The following EHHADH variants were observed in gnomAD, a reference collection of about 807,000 sequenced individuals.
EHHADH encodes peroxisomal bifunctional enzyme.
In EHHADH, 48 loss-of-function variants were observed where a neutral mutation model predicts 64.4. The observed-to-expected ratio is 0.75, with a 90% confidence interval of 0.59 to 0.95. The LOEUF (loss-of-function observed/expected upper bound fraction) is 0.95, where lower values mean the gene tolerates loss of function less well. EHHADH is among the 40% of genes least tolerant of loss of function. The pLI is 0.00. For missense variants in EHHADH, 854 were observed against 876.6 expected (o/e 0.97, Z 0.33); for synonymous variants, 308 against 326.7 (o/e 0.94, Z 0.62).
At chr3:185,199,780 C>T (rs967249186) in intron 6 of EHHADH, among the ~76,000 whole-genome samples, 4 of 152,100 alleles carry the variant, frequency 2.6e-5, no homozygotes, top group African/African-American at 9.7e-5. Context: ...CAGTCTTGCT[C>T]TGTTGCCCAG....
intron 5 of EHHADH, among the ~76,000 whole-genome samples, chr3:185,212,622 A>T (rs59007546): frequency 0.068 from 10,347 of 152,152 alleles, 1,157 homozygotes; most frequent in African/African-American, 0.23. Context: ...TAGGCTGAAT[A>T]ATTGGAATAT....
chr3:185,249,516 G>A (rs1719688233), intron 1 of EHHADH, among the ~76,000 whole-genome samples: 1 of 152,204 alleles, frequency 6.6e-6, no homozygotes, highest in African/African-American at 2.4e-5. Flanking sequence ...ATTGGATCAT[G>A]CCAGTGGTTT....
intron 1 of EHHADH, among the ~76,000 whole-genome samples, chr3:185,253,617 G>T (rs1178828632): frequency 2.0e-5 from 3 of 151,442 alleles, no homozygotes; most frequent in African/African-American, 7.3e-5. Context: ...AGCCAAAGTT[G>T]CAAGTAAGCA....
At chr3:185,204,318 T>C (rs1718317959) in intron 6 of EHHADH, 98 bp downstream of exon 6, 2 of 1,074,760 alleles carry the variant, frequency 1.9e-6, no homozygotes, top group Admixed American at 5.3e-5. Flanking sequence ...ACAAGTAATG[T>C]GTCTTACGTG....
At chr3:185,203,790 T>G (rs1261607975) in intron 6 of EHHADH, among the ~76,000 whole-genome samples, 2 of 151,974 alleles carry the variant, frequency 1.3e-5, no homozygotes, top group Non-Finnish European at 2.9e-5. Flanking sequence ...GTACAAATCA[T>G]CATCATCAGG....
chr3:185,193,560 G>A, intron 6 of EHHADH, 73 bp from the exon 7 acceptor site: 1 of 1,518,200 alleles, frequency 6.6e-7, no homozygotes, highest in Non-Finnish European at 8.9e-7. Context: ...TCACTGGATG[G>A]AAGGCTTATG....
intron 5 of EHHADH, among the ~76,000 whole-genome samples, chr3:185,217,801 G>T (rs1350769603): frequency 4.8e-5 from 7 of 144,666 alleles, no homozygotes; most frequent in African/African-American, 1.8e-4. Context: ...GTCTCGTTCT[G>T]TCGCCCAGGA....
In EHHADH at chr3:185,228,257, A is replaced by AAAAAAAAAATATATAT; in HGVS notation, c.463+1174_463+1175insATATATATTTTTTTTT. Among the ~76,000 whole-genome samples, 14 of 21,994 alleles carry AAAAAAAAAATATATAT rather than the reference A, an allele frequency of 6.4e-4. 1 individual carries two copies. Among genetic ancestry groups the AAAAAAAAAATATATAT allele is most frequent in the East Asian group, 1.6e-3 (2 of 1,280 alleles). 14.4% of individuals were successfully genotyped at this position (21,994 alleles called of 152,430 possible). A position where few individuals can be genotyped will look rare whatever the true frequency, so the allele number is the denominator to read the frequency against. On this transcript the variant is annotated intron_variant, in intron 4 of 6. Transcript: ENST00000231887. The stretch of plus-strand genomic sequence containing the variant: ...TCAAAAAAAAAAAAAAAAAAAAAAA[A>AAAAAAAAAATATATAT]ATATATATATATATATATATATGGA...
intron 6 of EHHADH, among the ~76,000 whole-genome samples, chr3:185,203,609 T>C (rs964657400): frequency 6.6e-6 from 1 of 152,110 alleles, no homozygotes; most frequent in African/African-American, 2.4e-5. Flanking sequence ...GATATTTTGT[T>C]TGGGAAAATT....
rs961956785 is a variant in EHHADH, at chr3:185,211,644, A to T, written c.568+6492T>A. 1.1e-4 allele frequency among the ~76,000 whole-genome samples: 16 copies of T among 152,360 alleles called. 1 individual carries two copies. The highest frequency in any genetic ancestry group is 3.6e-4 in the African/African-American group (15 of 41,590). On this transcript the variant is annotated intron_variant, in intron 5 of 6. Transcript: ENST00000231887. ...CAAAGGACAGACAGAATAACTGCAC[A>T]TTAACAGGCTTCAAGAAGGTGACCC...
intron 4 of EHHADH, among the ~76,000 whole-genome samples, chr3:185,228,257 A>AATATAT (rs1235531098): frequency 0.068 from 1,461 of 21,488 alleles, 66 homozygotes; most frequent in Non-Finnish European, 0.12. Context: ...AAAAAAAAAA[A>AATATAT]ATATATATAT....
At chr3:185,221,933 T>C (rs955659047) in intron 4 of EHHADH, among the ~76,000 whole-genome samples, 3 of 152,164 alleles carry the variant, frequency 2.0e-5, no homozygotes, top group Non-Finnish European at 4.4e-5. Context: ...ATGGTTTCTA[T>C]ACGGATTTCT....
chr3:185,235,656 A>G (rs778253089), intron 2 of EHHADH, among the ~76,000 whole-genome samples, 194 bp from the exon 3 acceptor site: 1 of 152,210 alleles, frequency 6.6e-6, no homozygotes, highest in Non-Finnish European at 1.5e-5. Flanking sequence ...AAACAAGTAT[A>G]TTGGAGAATG....
chr3:185,205,228 G>A (rs902610179), intron 5 of EHHADH, among the ~76,000 whole-genome samples: 9 of 151,720 alleles, frequency 5.9e-5, no homozygotes, highest in Middle Eastern at 3.4e-3. Flanking sequence ...TTGTTACATG[G>A]GTATATCACA....
intron 4 of EHHADH, among the ~76,000 whole-genome samples, chr3:185,223,899 C>T (rs903151222): frequency 6.6e-6 from 1 of 152,162 alleles, no homozygotes; most frequent in Non-Finnish European, 1.5e-5. Context: ...AGAACATCAG[C>T]GAACGAACTG....
chr3:185,196,301 G>A (rs182940791), intron 6 of EHHADH, among the ~76,000 whole-genome samples: 20 of 152,090 alleles, frequency 1.3e-4, no homozygotes, highest in Admixed American at 1.3e-3. Context: ...ATTTTCTCAC[G>A]TTAAAAAATT....
intron 4 of EHHADH, among the ~76,000 whole-genome samples, chr3:185,221,825 T>C (rs1718842615): frequency 6.6e-6 from 1 of 151,964 alleles, no homozygotes; most frequent in Non-Finnish European, 1.5e-5. Flanking sequence ...CCACCTGCCT[T>C]GGACTCTGAA....
intron 2 of EHHADH, chr3:185,245,560 T>A (rs1719572015): frequency 1.1e-6 from 1 of 892,210 alleles, no homozygotes; most frequent in Admixed American, 2.1e-5. Flanking sequence ...AGTTTCACAC[T>A]GTAGGAAATA....
At chr3:185,237,382 A>G (rs1342698004) in intron 2 of EHHADH, among the ~76,000 whole-genome samples, 1 of 152,166 alleles carries the variant, frequency 6.6e-6, no homozygotes, top group Non-Finnish European at 1.5e-5. Context: ...TGGTTTATCA[A>G]GAACCTTGAA....
Sources: allele counts gnomAD v4.1 joint callset (sites outside exome capture counted in the v4.1 genomes callset), GRCh38; gene constraint gnomAD v4.1.1; transcripts MANE v1.5; gene names NCBI Gene and HGNC (gene_info 2026-07-23, HGNC 2026-07-21).